The following SEMA3A variants were observed in gnomAD, a reference collection of about 807,000 sequenced individuals.
SEMA3A encodes the protein semaphorin 3A.
Under a neutral mutation model 97.9 loss-of-function variants are expected in SEMA3A, and 29 were observed. The observed-to-expected ratio is 0.30, with a 90% confidence interval of 0.22 to 0.40. SEMA3A has a LOEUF of 0.40. Ranked by LOEUF, SEMA3A falls within the 10% of genes least tolerant of loss-of-function variation. SEMA3A has a pLI of 1.00. For synonymous variants in SEMA3A, 321 were observed against 323.7 expected (o/e 0.99, Z 0.09); for missense variants, 763 against 951.3 (o/e 0.80, Z 2.60).
chr7:84,192,595 T>C (rs570062621), intron 1 of SEMA3A, among the ~76,000 whole-genome samples: 32 of 152,072 alleles, frequency 2.1e-4, no homozygotes, highest in Non-Finnish European at 4.4e-4. Flanking sequence ...TTAAGGCATA[T>C]GTGTACAACA....
intron 2 of SEMA3A, among the ~76,000 whole-genome samples, chr7:84,359,902 C>G (rs1802668086): frequency 6.6e-6 from 1 of 151,474 alleles, no homozygotes; most frequent in African/African-American, 2.4e-5. Context: ...TCCATTTCTT[C>G]TAGATTTTCT....
rs1178767150 is a variant in SEMA3A, at chr7:84,095,542, T to C, written c.453+14928A>G. Among the ~76,000 whole-genome samples, 14 of 151,198 alleles carry C rather than the reference T, an allele frequency of 9.3e-5. No homozygotes were observed. The East Asian group carries it at 2.7e-3, about 29-fold the overall frequency. On this transcript the variant is annotated intron_variant, in intron 4 of 16. Transcript: ENST00000265362. ...GGCTATAAATAACTTGGCTTATGCA[T>C]TTTATCTTTTTTTTTTCATGCCCTA...
chr7:84,181,307 T>C (rs77423492), intron 1 of SEMA3A, among the ~76,000 whole-genome samples: 9,323 of 140,540 alleles, frequency 0.066, 520 homozygotes, highest in East Asian at 0.31. Flanking sequence ...TCAAACTTTA[T>C]ATAATGTTAC....
intron 1 of SEMA3A, among the ~76,000 whole-genome samples, chr7:84,178,614 C>T (rs1358300957): frequency 6.6e-6 from 1 of 152,118 alleles, no homozygotes; most frequent in Non-Finnish European, 1.5e-5. Context: ...TACAACTAAA[C>T]TGTAGTTCTT....
chr7:84,359,899 C>T (rs922653440), intron 2 of SEMA3A, among the ~76,000 whole-genome samples: 1 of 151,598 alleles, frequency 6.6e-6, no homozygotes, highest in Non-Finnish European at 1.5e-5. Flanking sequence ...TTATCCATTT[C>T]TTCTAGATTT....
chr7:83,975,572 T>A (rs1275822344), intron 15 of SEMA3A, among the ~76,000 whole-genome samples: 1 of 152,146 alleles, frequency 6.6e-6, no homozygotes, highest in Non-Finnish European at 1.5e-5. Context: ...CATTCAGTCA[T>A]TCAACAAATA....
intron 1 of SEMA3A, among the ~76,000 whole-genome samples, chr7:84,392,189 AAAAC>A (rs1326954375): frequency 6.6e-6 from 1 of 152,140 alleles, no homozygotes; most frequent in African/African-American, 2.4e-5. Flanking sequence ...TAATAGACCT[AAAAC>A]AAACAAATTT....
upstream of SEMA3A, among the ~76,000 whole-genome samples, chr7:84,197,993 G>A (rs1798274927): frequency 6.6e-6 from 1 of 151,916 alleles, no homozygotes. Context: ...GCCGGCCTCC[G>A]CCTCCCATAG....
chr7:84,053,229 C>A (rs906681622), intron 5 of SEMA3A, among the ~76,000 whole-genome samples: 2 of 105,710 alleles, frequency 1.9e-5, no homozygotes, highest in African/African-American at 5.5e-5. Flanking sequence ...CTATTAGGTA[C>A]GCTTGGCGCA....
chr7:84,313,421 C>A (rs1801413896), intron 2 of SEMA3A, among the ~76,000 whole-genome samples: 1 of 130,914 alleles, frequency 7.6e-6, no homozygotes, highest in Non-Finnish European at 1.6e-5. Flanking sequence ...ATACGTGACT[C>A]CTGATAAGAG....
At chr7:83,969,389 G>A (rs1466970475) in intron 15 of SEMA3A, among the ~76,000 whole-genome samples, 1 of 152,094 alleles carries the variant, frequency 6.6e-6, no homozygotes, top group Non-Finnish European at 1.5e-5. Context: ...TCTCCTTAGA[G>A]TATGTGTAGT....
At chr7:83,994,489 T>G (rs1790113242) in intron 12 of SEMA3A, among the ~76,000 whole-genome samples, 1 of 124,248 alleles carries the variant, frequency 8.0e-6, no homozygotes, top group African/African-American at 3.0e-5. Context: ...TACAGATGGG[T>G]TTTTGGTCTG....
At chr7:84,144,588 A>G (rs1248672856) in intron 1 of SEMA3A, among the ~76,000 whole-genome samples, 1 of 152,166 alleles carries the variant, frequency 6.6e-6, no homozygotes, top group East Asian at 1.9e-4. Flanking sequence ...GTCACGTACA[A>G]GGGAAGATAT....
intron 4 of SEMA3A, among the ~76,000 whole-genome samples, chr7:84,067,921 G>C (rs528353877): frequency 4.0e-4 from 59 of 146,218 alleles, no homozygotes; most frequent in African/African-American, 1.4e-3. Context: ...TCCCATTACT[G>C]GGTATATACC....
At chr7:84,424,535 TATAA>T (rs1188924032) in intron 1 of SEMA3A, among the ~76,000 whole-genome samples, 3 of 95,690 alleles carry the variant, frequency 3.1e-5, no homozygotes, top group Non-Finnish European at 5.3e-5. Context: ...ATATATAATA[TATAA>T]ATATTAATAT....
rs1360647651 is a variant in SEMA3A, at chr7:83,957,734, TTTC to T, written c.*3634_*3636del. The T allele has an allele frequency of 6.6e-6, 1 of 152,134 alleles. No homozygotes were observed. The highest frequency in any genetic ancestry group is 1.5e-5 in the Non-Finnish European group (1 of 67,994). The allele number at this position is 152,134 out of a possible 1,614,324, so 9.4% of individuals were successfully genotyped here. Reference sequence around the variant, plus strand: ...TTTACAGATTTTTGAAAAATAATGTTTTCTTCTTTATGGAAACATGTATTTGCA... The same window carrying T: ...TTTACAGATTTTTGAAAAATAATGTTTTCTTTATGGAAACATGTATTTGCA... On this transcript the variant is annotated 3_prime_UTR_variant, in exon 17 of 17. Transcript: ENST00000265362.
At chr7:84,160,223 G>GTCTATCTATCTA (rs61107978) in intron 1 of SEMA3A, among the ~76,000 whole-genome samples, 1 of 149,376 alleles carries the variant, frequency 6.7e-6, no homozygotes, top group Non-Finnish European at 1.5e-5. Context: ...CTATCAATCT[G>GTCTATCTATCTA]TCTATCTATC....
chr7:84,439,311 G>A (rs562413204), intron 1 of SEMA3A, among the ~76,000 whole-genome samples: 2 of 152,162 alleles, frequency 1.3e-5, no homozygotes, highest in Admixed American at 6.5e-5. Context: ...AATGTACAAG[G>A]AAGCATGAAA....
intron 1 of SEMA3A, among the ~76,000 whole-genome samples, chr7:84,433,293 A>T (rs1164548614): frequency 1.4e-5 from 2 of 143,808 alleles, no homozygotes; most frequent in African/African-American, 5.2e-5. Flanking sequence ...GTTCTCACTG[A>T]TCAACTCTCA....
Sources: allele counts gnomAD v4.1 joint callset (sites outside exome capture counted in the v4.1 genomes callset), GRCh38; gene constraint gnomAD v4.1.1; transcripts MANE v1.5; gene names NCBI Gene and HGNC (gene_info 2026-07-23, HGNC 2026-07-21).